The following DGCR2 variants were observed in gnomAD, a reference collection of about 807,000 sequenced individuals.
The protein encoded by DGCR2 is integral membrane protein DGCR2/IDD.
In DGCR2, 24 loss-of-function variants were observed where a neutral mutation model predicts 51.6. That is an observed-to-expected ratio of 0.47 (90% CI 0.34 to 0.65). The LOEUF is 0.65. Among genes scored for constraint, DGCR2 ranks in the 30% least tolerant of loss-of-function variants. The pLI is 0.01. For missense variants in DGCR2, 765 were observed against 772.1 expected (o/e 0.99, Z 0.11); for synonymous variants, 340 against 315.4 (o/e 1.08, Z -0.82).
At chr22:19,063,564 T>C (rs1348834694) in intron 4 of DGCR2, among the ~76,000 whole-genome samples, 10 of 151,310 alleles carry the variant, frequency 6.6e-5, no homozygotes, top group Admixed American at 2.6e-4. Flanking sequence ...TTGGCCAGGA[T>C]GGTCTCGATC....
At chr22:19,119,855 G>T (rs1051975642) in intron 1 of DGCR2, among the ~76,000 whole-genome samples, 2 of 152,016 alleles carry the variant, frequency 1.3e-5, no homozygotes, top group East Asian at 3.9e-4. Context: ...CAGGTGGCTT[G>T]GCATCATCTT....
intron 5 of DGCR2, among the ~76,000 whole-genome samples, chr22:19,062,966 C>A (rs771913094): frequency 6.6e-6 from 1 of 152,116 alleles, no homozygotes; most frequent in Non-Finnish European, 1.5e-5. Flanking sequence ...ATCTAGAAAG[C>A]TGGCCAAAGT....
chr22:19,095,187 A>AC (rs926981333), intron 1 of DGCR2, among the ~76,000 whole-genome samples: 3 of 151,488 alleles, frequency 2.0e-5, no homozygotes, highest in African/African-American at 7.3e-5. Context: ...ACATGGAAAA[A>AC]CCCCATCTCT....
chr22:19,041,160 G>A lies in DGCR2; in HGVS notation c.1294C>T (p.Pro432Ser), dbSNP rs369203017. Residue 432 changes from proline to serine, a missense_variant, in exon 9 of 10, where the codon CCC becomes TCC. Pro to Ser is a moderately conservative substitution (Grantham distance 74). Transcript: ENST00000263196. ...GTFHFHDPPP[P>S]YTAYKYPDIG... ...TCCGGGTACTTGTATGCCGTGTAGG[G>A]AGGTGGAGGGTCGTGGAAATGGAAA... The A allele has an allele frequency of 6.7e-5, 108 of 1,613,966 alleles. No individual in the cohort carries two copies. The highest frequency in any genetic ancestry group is 8.9e-5 in the Non-Finnish European group (105 of 1,180,000).
At chr22:19,090,169 C>T (rs974343129) in intron 1 of DGCR2, among the ~76,000 whole-genome samples, 1 of 152,086 alleles carries the variant, frequency 6.6e-6, no homozygotes, top group Non-Finnish European at 1.5e-5. Flanking sequence ...AACTAAAACA[C>T]AGAATGAAAA....
chr22:19,114,140 T>C (rs1047871935), intron 1 of DGCR2, among the ~76,000 whole-genome samples: 2 of 148,966 alleles, frequency 1.3e-5, no homozygotes, highest in African/African-American at 4.9e-5. Context: ...TCTCCATCTT[T>C]TGTTACCAAA....
At chr22:19,103,145 A>C (rs1454273136) in intron 1 of DGCR2, among the ~76,000 whole-genome samples, 1 of 152,338 alleles carries the variant, frequency 6.6e-6, no homozygotes, top group South Asian at 2.1e-4. Context: ...CCAGACACAA[A>C]GGACAACATA....
intron 9 of DGCR2, among the ~76,000 whole-genome samples, chr22:19,040,085 G>C (rs893369714): frequency 6.6e-6 from 1 of 152,004 alleles, no homozygotes; most frequent in African/African-American, 2.4e-5. Context: ...CCTCCCTCCC[G>C]GCCAGCCCCT....
intron 1 of DGCR2, among the ~76,000 whole-genome samples, chr22:19,104,040 A>T (rs1316886599): frequency 6.6e-6 from 1 of 152,152 alleles, no homozygotes; most frequent in Non-Finnish European, 1.5e-5. Context: ...AGAGAGAGAA[A>T]AAAAGAGAGA....
intron 1 of DGCR2, 95 bp from the exon 2 acceptor site, chr22:19,089,585 T>A: frequency 7.7e-7 from 1 of 1,299,804 alleles, no homozygotes; most frequent in Non-Finnish European, 9.9e-7. Context: ...CATTTGTTTG[T>A]TTGTTTGTTT....
At chr22:19,070,550 G>C (rs751877561) in intron 2 of DGCR2, among the ~76,000 whole-genome samples, 2 of 152,186 alleles carry the variant, frequency 1.3e-5, no homozygotes, top group Non-Finnish European at 2.9e-5. Flanking sequence ...AGAAAGAAGA[G>C]ATAACAGAGG....
intron 1 of DGCR2, among the ~76,000 whole-genome samples, chr22:19,111,862 T>A (rs909814954): frequency 6.6e-6 from 1 of 151,496 alleles, no homozygotes; most frequent in Non-Finnish European, 1.5e-5. Flanking sequence ...ATTTATTTAT[T>A]TTTTTTTGTC....
intron 1 of DGCR2, among the ~76,000 whole-genome samples, chr22:19,098,599 G>A (rs1375055006): frequency 1.3e-5 from 2 of 152,054 alleles, no homozygotes; most frequent in Non-Finnish European, 2.9e-5. Flanking sequence ...TAAATGTTTT[G>A]TTTTTTGAGA....
chr22:19,050,903 A>G (rs1427256962), intron 6 of DGCR2, among the ~76,000 whole-genome samples: 1 of 152,220 alleles, frequency 6.6e-6, no homozygotes, highest in Admixed American at 6.5e-5. Flanking sequence ...AATCCATAAA[A>G]GGAAGCTGGT....
intron 2 of DGCR2, among the ~76,000 whole-genome samples, chr22:19,070,623 T>C (rs1273002012): frequency 1.3e-5 from 2 of 152,172 alleles, no homozygotes; most frequent in African/African-American, 4.8e-5. Context: ...CTGAGTGAAG[T>C]CATCTGCCCC....
At position 19,038,803 on chromosome 22, in the gene DGCR2, G is replaced by T; in HGVS notation, c.*62C>A. 1 of 1,574,522 alleles carries T rather than the reference G, an allele frequency of 6.4e-7. No individual in the cohort carries two copies. The highest frequency in any genetic ancestry group is 1.2e-5 in the South Asian group (1 of 85,982). On this transcript the variant is annotated 3_prime_UTR_variant, in exon 10 of 10. Coordinates refer to ENST00000263196, the MANE Select transcript of DGCR2 (RefSeq NM_005137.3). The stretch of plus-strand genomic sequence containing the variant: ...GACAGGGGCCTTTCAAGTCTCCCCA[G>T]GGACCGGTGTTTTCTACAACAGACA...
At chr22:19,046,588 GA>G (rs2082492082) in intron 7 of DGCR2, 2 of 192,208 alleles carry the variant, frequency 1.0e-5, no homozygotes, top group South Asian at 1.3e-4. Flanking sequence ...TAGCTTGTTG[GA>G]GGGGACATTC....
chr22:19,045,784 T>C (rs979081046), intron 7 of DGCR2, among the ~76,000 whole-genome samples: 4 of 152,174 alleles, frequency 2.6e-5, no homozygotes, highest in African/African-American at 9.7e-5. Context: ...TGGAGTACAG[T>C]GGCGTGATCT....
chr22:19,108,732 G>C (rs930526468), intron 1 of DGCR2, among the ~76,000 whole-genome samples: 5 of 151,782 alleles, frequency 3.3e-5, no homozygotes, highest in African/African-American at 9.7e-5. Context: ...TCAACAAATG[G>C]TACTAGACAG....
Sources: allele counts gnomAD v4.1 joint callset (sites outside exome capture counted in the v4.1 genomes callset), GRCh38; gene constraint gnomAD v4.1.1; transcripts MANE v1.5; gene names NCBI Gene and HGNC (gene_info 2026-07-23, HGNC 2026-07-21).